Variants in CGGBP1 observed in about 807,000 individuals in gnomAD.
CGGBP1 encodes the protein CGG triplet repeat-binding protein 1.
CGGBP1 carries 4 observed loss-of-function variants against 11.4 expected under a neutral mutation model. That is an observed-to-expected ratio of 0.35 (90% CI 0.17 to 0.80). CGGBP1 has a LOEUF of 0.80. Ranked by LOEUF, CGGBP1 falls within the 30% of genes least tolerant of loss-of-function variation. The pLI is 0.52. For missense variants in CGGBP1, 135 were observed against 202.1 expected (o/e 0.67, Z 2.01); for synonymous variants, 76 against 74.1 (o/e 1.03, Z -0.13).
chr3:88,142,405 G>C (rs1298906681), intron 1 of CGGBP1: 4 of 152,178 alleles, frequency 2.6e-5, no homozygotes, highest in Admixed American at 2.0e-4. Context: ...CAATAAAATA[G>C]AAAAAAACCG....
chr3:88,064,389 C>T (rs1343848054), intron 2 of CGGBP1, among the ~76,000 whole-genome samples: 1 of 152,120 alleles, frequency 6.6e-6, no homozygotes, highest in Admixed American at 6.5e-5. Context: ...TTGTTTATCC[C>T]TTTCCTTCCT....
chr3:88,062,535 G>A (rs1176847573), upstream of CGGBP1, among the ~76,000 whole-genome samples: 1 of 152,184 alleles, frequency 6.6e-6, no homozygotes, highest in East Asian at 1.9e-4. Flanking sequence ...GACTTGTTAA[G>A]TGCTGTAAAC....
At chr3:88,089,359 C>A (rs549664191) in intron 2 of CGGBP1, among the ~76,000 whole-genome samples, 183 of 151,788 alleles carry the variant, frequency 1.2e-3, no homozygotes, top group African/African-American at 3.4e-3. Context: ...GGCGTGGTGG[C>A]AAGCGCCTGT....
intron 2 of CGGBP1, among the ~76,000 whole-genome samples, chr3:88,112,379 T>C (rs1001985263): frequency 6.6e-5 from 10 of 151,956 alleles, no homozygotes; most frequent in Non-Finnish European, 1.2e-4. Context: ...TGTACTACTT[T>C]AGGATTGCTA....
At chr3:88,144,699 G>A (rs1707272542) in intron 1 of CGGBP1, 1 of 152,314 alleles carries the variant, frequency 6.6e-6, no homozygotes, top group African/African-American at 2.4e-5. Context: ...GCTTTCAAAA[G>A]GAATTAGACA....
Position 88,089,957 on chromosome 3 carries a change from A to G in CGGBP1, c.-228-31734T>C, listed in dbSNP as rs576969406. Among the ~76,000 whole-genome samples the G allele has an allele frequency of 3.3e-5, 5 of 152,372 alleles. No individual in the cohort carries two copies. In the East Asian group the frequency reaches 9.6e-4, roughly 29 times the overall value. On this transcript the variant is annotated intron_variant, in intron 2 of 3. Transcript: ENST00000462901. ...ATTGCCTAGTGAAGTCATAGCTGCC[A>G]TAATGTAGTGCAACACATTATTCAT...
intron 2 of CGGBP1, among the ~76,000 whole-genome samples, chr3:88,089,596 A>T (rs182457475): frequency 6.6e-6 from 1 of 152,280 alleles, no homozygotes. Flanking sequence ...CAGTTGCTAG[A>T]TGAGCTAATG....
At chr3:88,094,632 C>T (rs1468830820) in intron 2 of CGGBP1, among the ~76,000 whole-genome samples, 1 of 152,084 alleles carries the variant, frequency 6.6e-6, no homozygotes, top group Non-Finnish European at 1.5e-5. Context: ...CAGTTGACTA[C>T]AAGCTACTAT....
At chr3:88,140,820 T>C (rs371323682) in intron 2 of CGGBP1, 4 of 1,613,630 alleles carry the variant, frequency 2.5e-6, no homozygotes, top group Non-Finnish European at 2.5e-6. Flanking sequence ...CGTCAGACCA[T>C]TGCCTCCCAG....
At chr3:88,139,494 G>A in intron 2 of CGGBP1, 1 of 1,613,682 alleles carries the variant, frequency 6.2e-7, no homozygotes, top group Non-Finnish European at 8.5e-7. Context: ...AGCTCAACAG[G>A]ATGATCAGGA....
At chr3:88,105,817 C>T (rs1202450601) in intron 2 of CGGBP1, among the ~76,000 whole-genome samples, 1 of 152,042 alleles carries the variant, frequency 6.6e-6, no homozygotes, top group Non-Finnish European at 1.5e-5. Context: ...GCTTTATCCC[C>T]CCAAAACTCA....
intron 2 of CGGBP1, among the ~76,000 whole-genome samples, chr3:88,088,998 C>T (rs1312927111): frequency 1.3e-5 from 2 of 151,686 alleles, no homozygotes; most frequent in East Asian, 2.0e-4. Context: ...GTTTTGAACT[C>T]CTGACCTCAG....
intron 2 of CGGBP1, among the ~76,000 whole-genome samples, chr3:88,116,987 A>T (rs183039066): frequency 3.9e-4 from 60 of 152,290 alleles, no homozygotes; most frequent in Non-Finnish European, 7.2e-4. Context: ...AAGACAGTTT[A>T]AAAAAATTTT....
chr3:88,061,748 T>A (rs527600386), upstream of CGGBP1, among the ~76,000 whole-genome samples: 5 of 152,326 alleles, frequency 3.3e-5, no homozygotes, highest in South Asian at 1.0e-3. Context: ...GTCGAAGATT[T>A]CTTTTTAAAA....
chr3:88,117,939 G>C (rs1281919586), intron 2 of CGGBP1, among the ~76,000 whole-genome samples: 1 of 66,520 alleles, frequency 1.5e-5, no homozygotes, highest in Non-Finnish European at 3.8e-5. Context: ...TTGCCCAATA[G>C]ATGATTAAAA....
intron 1 of CGGBP1, chr3:88,144,250 T>C (rs192076535): frequency 2.5e-4 from 38 of 152,422 alleles, no homozygotes; most frequent in Admixed American, 6.5e-4. Context: ...CCACCAATTA[T>C]ATAATACTTA....
intron 2 of CGGBP1, chr3:88,126,357 C>T: frequency 1.6e-6 from 2 of 1,259,600 alleles, no homozygotes; most frequent in African/African-American, 1.5e-5. Context: ...AGTAATTTTT[C>T]TTCATTTTAT....
Position 88,052,455 on chromosome 3 carries a change from G to A in CGGBP1, c.*3018C>T, listed in dbSNP as rs371632609. 6.6e-6 allele frequency: 1 copy of A among 152,624 alleles called. No homozygotes were observed. The highest frequency in any genetic ancestry group is 1.5e-5 in the Non-Finnish European group (1 of 68,030). 9.5% of individuals were successfully genotyped at this position (152,624 alleles called of 1,614,324 possible). ...AAGACTAAGCACCAAATGATGAACT[G>A]TTTGTGGCTTTTGTTTTGGGCCATC... On this transcript the variant is annotated 3_prime_UTR_variant, in exon 4 of 4. Transcript: ENST00000482016.
intron 3 of CGGBP1, chr3:88,056,605 CAA>C (rs1706547717): frequency 6.6e-6 from 1 of 151,936 alleles, no homozygotes; most frequent in African/African-American, 2.4e-5. Flanking sequence ...ATATACAGTT[CAA>C]AGTTATTTTG....
Sources: allele counts gnomAD v4.1 joint callset (sites outside exome capture counted in the v4.1 genomes callset), GRCh38; gene constraint gnomAD v4.1.1; transcripts MANE v1.5; gene names NCBI Gene and HGNC (gene_info 2026-07-23, HGNC 2026-07-21).